TMEM135: variants seen among roughly 807,000 people sequenced by gnomAD.
The protein encoded by TMEM135 is peroxisomal membrane protein 52.
A neutral mutation model predicts 60.3 loss-of-function variants in TMEM135; 30 were observed. The ratio of observed to expected loss-of-function variants is 0.50; its 90% confidence interval spans 0.37 to 0.68. The LOEUF (loss-of-function observed/expected upper bound fraction) is 0.68, where lower values mean the gene tolerates loss of function less well. Ranked by LOEUF, TMEM135 falls within the 30% of genes least tolerant of loss-of-function variation. The pLI is 0.00. For missense variants in TMEM135, 468 were observed against 548.8 expected (o/e 0.85, Z 1.47); for synonymous variants, 190 against 186.7 (o/e 1.02, Z -0.14).
At chr11:87,292,567 C>T (rs367881863) in intron 6 of TMEM135, among the ~76,000 whole-genome samples, 6 of 152,276 alleles carry the variant, frequency 3.9e-5, no homozygotes, top group South Asian at 2.1e-4. Flanking sequence ...ACATTGAACA[C>T]GGATTACAAT....
chr11:87,222,497 T>TC (rs1328179454), intron 5 of TMEM135, among the ~76,000 whole-genome samples: 4 of 99,118 alleles, frequency 4.0e-5, no homozygotes, highest in African/African-American at 1.2e-4. Context: ...AGACTCCGTC[T>TC]CCAAAAAAAA....
At chr11:87,307,444 C>G (rs757089971) in intron 9 of TMEM135, among the ~76,000 whole-genome samples, 2 of 150,650 alleles carry the variant, frequency 1.3e-5, no homozygotes, top group African/African-American at 4.9e-5. Flanking sequence ...ATTTATTATT[C>G]CTTCCAACTG....
intron 8 of TMEM135, 75 bp from the exon 9 acceptor site, chr11:87,305,861 C>A: frequency 2.0e-6 from 2 of 1,008,198 alleles, no homozygotes; most frequent in Middle Eastern, 2.9e-4. Context: ...TTAAACAGAT[C>A]CACAAACATG....
chr11:87,250,708 A>T (rs981574070), intron 6 of TMEM135, among the ~76,000 whole-genome samples: 2 of 152,082 alleles, frequency 1.3e-5, no homozygotes, highest in Non-Finnish European at 1.5e-5. Context: ...GGTTCTTTTT[A>T]AAAAAATATT....
intron 1 of TMEM135, among the ~76,000 whole-genome samples, 180 bp from the exon 2 acceptor site, chr11:87,067,514 A>G (rs932230746): frequency 2.0e-5 from 3 of 152,158 alleles, no homozygotes; most frequent in Non-Finnish European, 2.9e-5. Context: ...TTTACCCTCA[A>G]TAAATTCAGG....
intron 6 of TMEM135, chr11:87,259,276 C>T (rs1409296561): frequency 5.3e-6 from 2 of 377,084 alleles, no homozygotes; most frequent in Non-Finnish European, 1.0e-5. Context: ...GTAGGGGACA[C>T]CAGAAGTGGA....
At chr11:87,315,543 G>C (rs746516148) in intron 12 of TMEM135, among the ~76,000 whole-genome samples, 20 of 152,016 alleles carry the variant, frequency 1.3e-4, no homozygotes, top group Admixed American at 6.6e-4. Flanking sequence ...ATAGCTATTG[G>C]TTTTCGCAGC....
At chr11:87,159,616 CA>C (rs1938809716) in intron 5 of TMEM135, among the ~76,000 whole-genome samples, 1 of 146,766 alleles carries the variant, frequency 6.8e-6, no homozygotes, top group African/African-American at 2.5e-5. Context: ...CACACACACA[CA>C]CCATAGATTT....
chr11:87,264,249 C>T (rs908013319), intron 6 of TMEM135, among the ~76,000 whole-genome samples: 2 of 129,382 alleles, frequency 1.5e-5, no homozygotes, highest in Admixed American at 7.6e-5. Flanking sequence ...GTTTCAGTCT[C>T]TCTCTCTCTT....
chr11:87,224,728 TCTC>T (rs1401813233), intron 5 of TMEM135, among the ~76,000 whole-genome samples: 2 of 151,666 alleles, frequency 1.3e-5, no homozygotes, highest in African/African-American at 4.8e-5. Context: ...GCACCTTTCT[TCTC>T]CTTCTCCGTA....
chr11:87,254,871 C>T (rs1941489835), intron 6 of TMEM135, among the ~76,000 whole-genome samples: 1 of 152,044 alleles, frequency 6.6e-6, no homozygotes, highest in African/African-American at 2.4e-5. Context: ...CCTGGTGTGG[C>T]AGCTCATTCC....
intron 6 of TMEM135, among the ~76,000 whole-genome samples, chr11:87,247,500 G>T (rs1941310621): frequency 6.6e-6 from 1 of 152,078 alleles, no homozygotes; most frequent in Admixed American, 6.5e-5. Context: ...AGCTGTGGTG[G>T]GCTCCACCCA....
At chr11:87,220,059 A>G (rs1940584914) in intron 5 of TMEM135, among the ~76,000 whole-genome samples, 2 of 152,208 alleles carry the variant, frequency 1.3e-5, no homozygotes, top group South Asian at 4.1e-4. Flanking sequence ...TTTAGTTTTC[A>G]TTAACAACTG....
chr11:87,054,922 A>G (rs1247309825), intron 1 of TMEM135, among the ~76,000 whole-genome samples: 1 of 152,172 alleles, frequency 6.6e-6, no homozygotes, highest in Non-Finnish European at 1.5e-5. Context: ...TTTACTCTGA[A>G]TCTTCATTTC....
In TMEM135 at chr11:87,321,763, G is replaced by T. The variant is rs996683781; in HGVS notation, c.*430G>T. ...AAAGGATCACGGGTACATGGATTTG[G>T]TCTATATATTTTTTTAAAGTTTTGA... On this transcript the variant is annotated 3_prime_UTR_variant, in exon 15 of 15. Transcript: ENST00000305494. The T allele has an allele frequency of 4.4e-6, 2 of 454,788 alleles. No homozygotes were observed. Among genetic ancestry groups the T allele is most frequent in the Non-Finnish European group, 8.8e-6 (2 of 227,104 alleles). The allele number at this position is 454,788 out of a possible 1,614,324, so 28.2% of individuals were successfully genotyped here.
At position 87,157,652 on chromosome 11, in the gene TMEM135, A is replaced by G. The variant is rs1591063523; in HGVS notation, c.462+246A>G. The G allele has an allele frequency of 1.0e-5, 4 of 396,674 alleles. No individual in the cohort carries two copies. In the East Asian group the frequency reaches 1.9e-4, roughly 19 times the overall value. The allele number at this position is 396,674 out of a possible 1,614,324, so 24.6% of individuals were successfully genotyped here. ...TATCAAATATCTTTACTCTTAAAAA[A>G]TGACATTTTATTAGTAACTTCTACA... is the stretch of plus-strand genomic sequence containing the variant. On this transcript the variant is annotated intron_variant, in intron 5 of 14. Coordinates refer to ENST00000305494, the MANE Select transcript of TMEM135 (RefSeq NM_022918.4).
At chr11:87,313,317 TGGCCTGCAA>T in intron 10 of TMEM135, 99 bp from the exon 11 acceptor site, 1 of 843,104 alleles carries the variant, frequency 1.2e-6, no homozygotes. Context: ...GATCACTAAT[TGGCCTGCAA>T]GGTAATCTGA....
chr11:87,074,068 CG>C (rs1223261886), intron 3 of TMEM135, among the ~76,000 whole-genome samples: 1 of 152,054 alleles, frequency 6.6e-6, no homozygotes, highest in East Asian at 1.9e-4. Flanking sequence ...TGGGTTCAAA[CG>C]GTTTTCCTGT....
At chr11:87,135,034 G>A (rs1182906767) in intron 4 of TMEM135, among the ~76,000 whole-genome samples, 1 of 152,174 alleles carries the variant, frequency 6.6e-6, no homozygotes, top group East Asian at 1.9e-4. Flanking sequence ...ATCATAGGCT[G>A]TTCTCAGTGA....
Sources: allele counts gnomAD v4.1 joint callset (sites outside exome capture counted in the v4.1 genomes callset), GRCh38; gene constraint gnomAD v4.1.1; transcripts MANE v1.5; gene names NCBI Gene and HGNC (gene_info 2026-07-23, HGNC 2026-07-21).